The following CLSTN2 variants were observed in gnomAD, a reference collection of about 807,000 sequenced individuals.
CLSTN2 encodes the protein calsyntenin 2.
Under a neutral mutation model 101.2 loss-of-function variants are expected in CLSTN2, and 48 were observed. The observed-to-expected ratio is 0.47, with a 90% confidence interval of 0.38 to 0.60. The LOEUF (loss-of-function observed/expected upper bound fraction) is 0.60, where lower values mean the gene tolerates loss of function less well. CLSTN2 is among the 20% of genes least tolerant of loss of function. CLSTN2 has a pLI of 0.00. For missense variants in CLSTN2, 1,160 were observed against 1,238.2 expected, an observed-to-expected ratio of 0.94 and a Z score of 0.95; for synonymous variants, 481 against 463.6, an observed-to-expected ratio of 1.04 and a Z score of -0.48.
chr3:140,394,919 C>T (rs1400874741), intron 2 of CLSTN2, among the ~76,000 whole-genome samples: 3 of 152,108 alleles, frequency 2.0e-5, no homozygotes, highest in Admixed American at 6.5e-5. Flanking sequence ...CCTTTAATTC[C>T]AGAACCACTG....
chr3:140,549,145 A>T lies in CLSTN2; in HGVS notation c.1674+2464A>T, dbSNP rs548528735. On this transcript the variant is annotated intron_variant, in intron 10 of 16. Coordinates refer to ENST00000458420, the MANE Select transcript of CLSTN2 (RefSeq NM_022131.3). ...ATGTCTTCTCTTTTTCTGATTCTAA[A>T]TTTACTCTTTGCATCTGCGTAGATC... 1.3e-4 allele frequency among the ~76,000 whole-genome samples: 17 copies of T among 129,254 alleles called. No homozygotes were observed. The East Asian group carries it at 3.3e-3, about 25-fold the overall frequency. 84.8% of individuals were successfully genotyped at this position (129,254 alleles called of 152,430 possible). A position where few individuals can be genotyped will look rare whatever the true frequency, so the allele number is the denominator to read the frequency against.
chr3:140,063,035 T>G (rs537773537), intron 1 of CLSTN2, among the ~76,000 whole-genome samples: 1 of 152,336 alleles, frequency 6.6e-6, no homozygotes, highest in South Asian at 2.1e-4. Flanking sequence ...AGTGACAAGA[T>G]CTAGTTGTGG....
chr3:140,171,330 G>A (rs965576559), intron 1 of CLSTN2, among the ~76,000 whole-genome samples: 1 of 151,984 alleles, frequency 6.6e-6, no homozygotes, highest in African/African-American at 2.4e-5. Context: ...GGTTTCAGGG[G>A]CCAAGACCTG....
chr3:140,002,167 C>T (rs778749915), intron 1 of CLSTN2, among the ~76,000 whole-genome samples: 1 of 152,282 alleles, frequency 6.6e-6, no homozygotes, highest in East Asian at 1.9e-4. Flanking sequence ...GTGGGATGTA[C>T]TCATTTACAT....
chr3:140,296,555 C>G (rs974293259), intron 2 of CLSTN2, among the ~76,000 whole-genome samples: 1 of 152,204 alleles, frequency 6.6e-6, no homozygotes, highest in East Asian at 1.9e-4. Flanking sequence ...GCCTAATTCA[C>G]ACTTTCTCCT....
chr3:140,480,821 A>G (rs1394249363), intron 8 of CLSTN2, among the ~76,000 whole-genome samples: 2 of 152,070 alleles, frequency 1.3e-5, no homozygotes, highest in African/African-American at 4.8e-5. Context: ...AATTTGTTGG[A>G]GTTCATTGTA....
intron 5 of CLSTN2, among the ~76,000 whole-genome samples, chr3:140,439,072 G>A (rs2088716904): frequency 6.6e-6 from 1 of 152,216 alleles, no homozygotes; most frequent in Non-Finnish European, 1.5e-5. Context: ...AGCAAGATCA[G>A]AGACTTGGTG....
chr3:140,547,926 C>T (rs1055963991), intron 10 of CLSTN2, among the ~76,000 whole-genome samples: 1 of 152,206 alleles, frequency 6.6e-6, no homozygotes, highest in Non-Finnish European at 1.5e-5. Flanking sequence ...GGGTTTCTGT[C>T]CTTGGCCATT....
At chr3:139,988,473 T>C (rs1036141269) in intron 1 of CLSTN2, among the ~76,000 whole-genome samples, 4 of 152,168 alleles carry the variant, frequency 2.6e-5, no homozygotes, top group Admixed American at 6.5e-5. Context: ...AGTCCGTTTA[T>C]TGAGTTGTGT....
At chr3:140,138,073 C>T (rs1190954136) in intron 1 of CLSTN2, among the ~76,000 whole-genome samples, 1 of 152,126 alleles carries the variant, frequency 6.6e-6, no homozygotes, top group Non-Finnish European at 1.5e-5. Context: ...TAAGGAGTCT[C>T]CTTTCCCTAA....
chr3:140,108,582 G>A (rs762134527), intron 1 of CLSTN2, among the ~76,000 whole-genome samples: 1 of 152,084 alleles, frequency 6.6e-6, no homozygotes, highest in Non-Finnish European at 1.5e-5. Context: ...AAGAACCTTG[G>A]TGGAGTCATT....
At chr3:140,355,391 G>C (rs568249315) in intron 2 of CLSTN2, among the ~76,000 whole-genome samples, 103 of 152,258 alleles carry the variant, frequency 6.8e-4, no homozygotes, top group African/African-American at 2.3e-3. Context: ...AATTTCATAG[G>C]ATTGTTGTGA....
intron 2 of CLSTN2, among the ~76,000 whole-genome samples, chr3:140,209,580 G>T (rs1040454210): frequency 6.6e-6 from 1 of 152,114 alleles, no homozygotes; most frequent in African/African-American, 2.4e-5. Flanking sequence ...GGGAAGCTGT[G>T]TTAGCTGCTG....
intron 9 of CLSTN2, among the ~76,000 whole-genome samples, chr3:140,542,766 G>A (rs1182764161): frequency 6.6e-6 from 1 of 152,160 alleles, no homozygotes; most frequent in African/African-American, 2.4e-5. Context: ...ATAGGAAACT[G>A]TCTTAGCATT....
At chr3:140,095,996 A>G (rs2008863140) in intron 1 of CLSTN2, among the ~76,000 whole-genome samples, 1 of 152,192 alleles carries the variant, frequency 6.6e-6, no homozygotes, top group Non-Finnish European at 1.5e-5. Context: ...ATAAAGCACA[A>G]TGGGTAGAAG....
intron 2 of CLSTN2, among the ~76,000 whole-genome samples, chr3:140,303,987 C>T (rs2087087004): frequency 6.6e-6 from 1 of 151,982 alleles, no homozygotes; most frequent in Admixed American, 6.6e-5. Flanking sequence ...GGTCTCCTTT[C>T]CTCTGTCTTT....
intron 2 of CLSTN2, among the ~76,000 whole-genome samples, chr3:140,395,254 C>G (rs2088168358): frequency 6.6e-6 from 1 of 152,132 alleles, no homozygotes; most frequent in Admixed American, 6.5e-5. Flanking sequence ...GCCCCCTCCC[C>G]CTGCTTTGGT....
At chr3:139,962,912 G>T (rs149932281) in intron 1 of CLSTN2, among the ~76,000 whole-genome samples, 154 of 152,248 alleles carry the variant, frequency 1.0e-3, no homozygotes, top group African/African-American at 3.6e-3. Flanking sequence ...AAATACCTAG[G>T]AATGGAATGG....
intron 2 of CLSTN2, among the ~76,000 whole-genome samples, chr3:140,316,464 TTGCAA>T (rs1443578750): frequency 6.6e-6 from 1 of 152,210 alleles, no homozygotes; most frequent in Non-Finnish European, 1.5e-5. Context: ...GCCCACACTC[TTGCAA>T]TTATTTCATT....
Sources: gnomAD v4.1 joint callset for allele counts (sites outside exome capture counted in the v4.1 genomes callset) on GRCh38, gnomAD v4.1.1 for gene constraint, MANE v1.5 for transcripts, NCBI Gene and HGNC (gene_info 2026-07-23, HGNC 2026-07-21) for gene names.